CHRNA3: variants seen among roughly 807,000 people sequenced by gnomAD.
CHRNA3 encodes the protein cholinergic receptor nicotinic alpha 3 subunit, also known as neuronal acetylcholine receptor subunit alpha-3.
Under a neutral mutation model 41.9 loss-of-function variants are expected in CHRNA3, and 34 were observed. That is an observed-to-expected ratio of 0.81 (90% CI 0.62 to 1.08). CHRNA3 has a LOEUF of 1.08. CHRNA3 is among the 50% of genes least tolerant of loss of function. The pLI, the probability that CHRNA3 is intolerant of heterozygous loss-of-function variation, is 0.00. For missense variants in CHRNA3, 542 were observed against 638.3 expected (o/e 0.85, Z 1.63); for synonymous variants, 281 against 265.2 (o/e 1.06, Z -0.58).
Position 78,596,023 on chromosome 15 carries a change from ATATT to A in CHRNA3, c.*577_*580del, listed in dbSNP as rs2053102640. 1 of 965,656 alleles carries A rather than the reference ATATT, an allele frequency of 1.0e-6. No homozygotes were observed. The highest frequency in any genetic ancestry group is 1.8e-5 in the African/African-American group (1 of 56,838). 59.8% of individuals were successfully genotyped at this position (965,656 alleles called of 1,614,324 possible). A position where few individuals can be genotyped will look rare whatever the true frequency, so the allele number is the denominator to read the frequency against. On this transcript the variant is annotated 3_prime_UTR_variant, in exon 6 of 6. Coordinates refer to ENST00000326828, the MANE Select transcript of CHRNA3 (RefSeq NM_000743.5). Reference sequence around the variant, plus strand: ...CAGTTTATGGTGTACTAAGACAGTTATATTAACAATGAATAACTAGGCATGATTT... The same window carrying A: ...CAGTTTATGGTGTACTAAGACAGTTAAACAATGAATAACTAGGCATGATTT...
chr15:78,601,712 G>T lies in CHRNA3; in HGVS notation c.930C>A (p.Phe310Leu). 6.2e-7 allele frequency: 1 copy of T among 1,614,166 alleles called. No homozygotes were observed. Among genetic ancestry groups the T allele is most frequent in the Non-Finnish European group, 8.5e-7 (1 of 1,180,028 alleles). The change falls in exon 5 of 6, where the codon TTC becomes TTA. Residue 310 changes from phenylalanine (F) to leucine (L), a missense_variant. Phe to Leu is a conservative substitution (Grantham distance 22). Coordinates refer to ENST00000326828, the MANE Select transcript of CHRNA3 (RefSeq NM_000743.5). ...VIPLIGEYLL[F>L]TMIFVTLSIV... is the part of the protein sequence containing the mutation. ...TGGACAAGGTTACAAAAATCATGGT[G>T]AACAGGAGGTACTCTCCAATCAGGG...
intron 1 of CHRNA3, 84 bp downstream of exon 1, chr15:78,620,629 G>C (rs1250342534): frequency 6.9e-7 from 1 of 1,443,022 alleles, no homozygotes; most frequent in Non-Finnish European, 9.0e-7. Context: ...TCGCCCGCGC[G>C]GTGTTCTCGC....
rs1283421139 is a variant in CHRNA3, at chr15:78,595,914, C to T, written c.*690G>A. On this transcript the variant is annotated 3_prime_UTR_variant, in exon 6 of 6. Coordinates refer to ENST00000326828, the MANE Select transcript of CHRNA3 (RefSeq NM_000743.5). ...GGCACCCTTTGAGGAAGAGGACCCT[C>T]ACCAGACACCAAATTTGCTGGTGCC... The T allele has an allele frequency of 1.9e-5, 5 of 263,116 alleles. No homozygotes were observed. Among genetic ancestry groups the T allele is most frequent in the Non-Finnish European group, 2.9e-5 (5 of 170,106 alleles). 16.3% of individuals were successfully genotyped at this position (263,116 alleles called of 1,614,324 possible).
chr15:78,596,829 G>T, intron 5 of CHRNA3, 97 bp from the exon 6 acceptor site: 1 of 1,459,930 alleles, frequency 6.8e-7, no homozygotes, highest in Non-Finnish European at 9.0e-7. Context: ...TGCAGTAGAA[G>T]CCATTTTGTC....
At chr15:78,610,594 A>C (rs1194109894) in intron 4 of CHRNA3, among the ~76,000 whole-genome samples, 1 of 152,060 alleles carries the variant, frequency 6.6e-6, no homozygotes, top group Non-Finnish European at 1.5e-5. Context: ...AGAGAAATTT[A>C]TAGCACTAAA....
At chr15:78,611,573 AAAT>A (rs2053380361) in intron 4 of CHRNA3, among the ~76,000 whole-genome samples, 1 of 152,174 alleles carries the variant, frequency 6.6e-6, no homozygotes, top group Non-Finnish European at 1.5e-5. Flanking sequence ...ATGTATCTCA[AAAT>A]AATAAGAGCT....
downstream of CHRNA3, chr15:78,593,942 G>A (rs1312619763): frequency 3.3e-5 from 5 of 152,416 alleles, no homozygotes; most frequent in African/African-American, 4.8e-5. Flanking sequence ...GGGAGGCTGC[G>A]GCAGGAGAAT....
chr15:78,620,656 C>T, intron 1 of CHRNA3, 57 bp downstream of exon 1: 1 of 1,491,976 alleles, frequency 6.7e-7, no homozygotes, highest in Non-Finnish European at 8.9e-7. Flanking sequence ...CCCCTCCGGA[C>T]CCCGCGCCCC....
At chr15:78,616,776 T>C (rs2053468717) in intron 4 of CHRNA3, among the ~76,000 whole-genome samples, 1 of 152,340 alleles carries the variant, frequency 6.6e-6, no homozygotes, top group Admixed American at 6.5e-5. Context: ...CTTGAAACTT[T>C]CCCAATGCCA....
downstream of CHRNA3, chr15:78,595,266 G>A (rs1477197835): frequency 7.1e-6 from 7 of 983,166 alleles, no homozygotes; most frequent in Admixed American, 6.2e-5. Flanking sequence ...AATTTTTATC[G>A]ACATCTTTCT....
chr15:78,598,178 C>T (rs985548034), intron 5 of CHRNA3, among the ~76,000 whole-genome samples: 1 of 152,162 alleles, frequency 6.6e-6, no homozygotes, highest in African/African-American at 2.4e-5. Flanking sequence ...CATGACCGCT[C>T]TTAGCCTCAA....
intron 4 of CHRNA3, among the ~76,000 whole-genome samples, chr15:78,604,355 G>A (rs2053251131): frequency 6.6e-6 from 1 of 152,224 alleles, no homozygotes; most frequent in African/African-American, 2.4e-5. Context: ...TCAAAGGACA[G>A]GAATGACTTG....
chr15:78,602,365 G>A, intron 4 of CHRNA3, 101 bp from the exon 5 acceptor site: 2 of 1,298,352 alleles, frequency 1.5e-6, no homozygotes, highest in Non-Finnish European at 2.1e-6. Context: ...TGATTTGGAA[G>A]GCACTGGAAG....
Position 78,596,663 on chromosome 15 carries a change from A to T in CHRNA3, c.1459T>A (p.Cys487Ser), listed in dbSNP as rs772596477. The T allele has an allele frequency of 1.9e-6, 3 of 1,613,366 alleles. No homozygotes were observed. In the Admixed American group the frequency reaches 5.0e-5, roughly 27 times the overall value. The stretch of plus-strand genomic sequence containing the variant: ...AACAATCCTGCTGTCCCTAGAATGC[A>T]CACCAGGGTGAAAACCCACAGAAAA... ...RIFLWVFTLV[C>S]ILGTAGLFLQ... The change falls in exon 6 of 6, where the codon TGC becomes AGC. Residue 487 changes from cysteine to serine, a missense_variant. Coordinates refer to ENST00000326828, the MANE Select transcript of CHRNA3 (RefSeq NM_000743.5).
In CHRNA3 at chr15:78,602,074, C is replaced by A. The variant is rs772545198; in HGVS notation, c.568G>T (p.Val190Phe). Residue 190 changes from valine (V) to phenylalanine (F), a missense_variant, in exon 5 of 6, where the codon GTC (valine) becomes TTC (phenylalanine). Transcript: ENST00000326828. ...AGGTTCATGGAAGAGCCGATCAGGA[C>A]CAGATCGATTTTCGCCTTATCGTAG... is the stretch of plus-strand genomic sequence containing the variant. ...WSYDKAKIDL[V>F]LIGSSMNLKD... 1 of 1,614,158 alleles carries A rather than the reference C, an allele frequency of 6.2e-7. No homozygotes were observed. Among genetic ancestry groups the A allele is most frequent in the Non-Finnish European group, 8.5e-7 (1 of 1,180,024 alleles).
intron 4 of CHRNA3, among the ~76,000 whole-genome samples, chr15:78,610,735 C>G (rs2053367209): frequency 6.6e-6 from 1 of 151,292 alleles, no homozygotes; most frequent in Non-Finnish European, 1.5e-5. Context: ...CAGAGCAGAA[C>G]TGAAGGAAAT....
rs61737491 is a variant in CHRNA3, at chr15:78,601,553, C to T, written c.1089G>A (p.Glu363=). The T allele has an allele frequency of 6.2e-7, 1 of 1,614,154 alleles. No homozygotes were observed. The highest frequency in any genetic ancestry group is 1.1e-5 in the South Asian group (1 of 91,076). ...VMFMTRPTSN[E]GNAQKPRPLY... is the part of the protein sequence containing the mutation. ...GGGGCCTCGGCTTCTGAGCGTTGCC[C>T]TCGTTGCTTGTTGGCCTGGTCATGA... Residue 363 remains glutamate, a synonymous_variant, in exon 5 of 6, where the codon GAG becomes GAA. Coordinates refer to ENST00000326828, the MANE Select transcript of CHRNA3 (RefSeq NM_000743.5).
chr15:78,596,422 G>T lies in CHRNA3; in HGVS notation c.*182C>A. On this transcript the variant is annotated 3_prime_UTR_variant, in exon 6 of 6. Transcript: ENST00000326828. ...AGGCTAGTTAAATGTTCATTTATCG[G>T]TAATAAATACTCTTGACATTTTTTT... is the stretch of plus-strand genomic sequence containing the variant. 1 of 1,275,358 alleles carries T rather than the reference G, an allele frequency of 7.8e-7. No homozygotes were observed. The highest frequency in any genetic ancestry group is 9.9e-7 in the Non-Finnish European group (1 of 1,015,170). 79.0% of individuals were successfully genotyped at this position (1,275,358 alleles called of 1,614,324 possible).
chr15:78,618,514 C>T (rs994280029), intron 3 of CHRNA3, 103 bp downstream of exon 3: 2 of 1,382,052 alleles, frequency 1.4e-6, no homozygotes, highest in African/African-American at 1.4e-5. Context: ...CTGGGTTCCA[C>T]AGAAGTAAAT....
Sources: gnomAD v4.1 joint callset for allele counts (sites outside exome capture counted in the v4.1 genomes callset) on GRCh38, gnomAD v4.1.1 for gene constraint, MANE v1.5 for transcripts, NCBI Gene and HGNC (gene_info 2026-07-23, HGNC 2026-07-21) for gene names.